Variants in NCF2 observed in about 807,000 individuals in gnomAD.
NCF2 encodes neutrophil cytosolic factor 2.
A neutral mutation model predicts 70.9 loss-of-function variants in NCF2; 45 were observed. That is an observed-to-expected ratio of 0.63 (90% CI 0.50 to 0.81). NCF2 has a LOEUF of 0.81. NCF2 is among the 40% of genes least tolerant of loss of function. The pLI is 0.00. For synonymous variants in NCF2, 203 were observed against 233.6 expected, an observed-to-expected ratio of 0.87 and a Z score of 1.19; for missense variants, 522 against 631.6, an observed-to-expected ratio of 0.83 and a Z score of 1.86.
At chr1:183,600,015 T>G in the NCF2 span, among the ~76,000 whole-genome samples, 1 of 152,234 alleles carries the variant, frequency 6.6e-6, no homozygotes, top group Non-Finnish European at 1.5e-5. Context: ...CCTTGTGCTT[T>G]TAACCTTTCT....
At chr1:183,561,328 C>G (rs1275530933) in intron 13 of NCF2, among the ~76,000 whole-genome samples, 1 of 152,138 alleles carries the variant, frequency 6.6e-6, no homozygotes, top group Non-Finnish European at 1.5e-5. Flanking sequence ...AGAGGCAATA[C>G]AATGAGGTGG....
chr1:183,563,722 C>CA (rs1672182304), intron 11 of NCF2, 137 bp from the exon 12 acceptor site: 6 of 1,142,194 alleles, frequency 5.3e-6, no homozygotes, highest in Admixed American at 1.9e-5. Flanking sequence ...ACTGGTTTCA[C>CA]AGTAGCCTAA....
chr1:183,556,763 A>C (rs2102868853), intron 14 of NCF2, among the ~76,000 whole-genome samples: 1 of 152,284 alleles, frequency 6.6e-6, no homozygotes, highest in Middle Eastern at 3.4e-3. Flanking sequence ...TCCTGGGCTC[A>C]AGTGATCCAC....
At chr1:183,583,215 G>A (rs1673193803) in intron 2 of NCF2, among the ~76,000 whole-genome samples, 1 of 152,106 alleles carries the variant, frequency 6.6e-6, no homozygotes, top group African/African-American at 2.4e-5. Flanking sequence ...ACCATGTGCT[G>A]CTAATTTTTT....
chr1:183,570,980 G>A (rs1558097100), intron 5 of NCF2, 141 bp from the exon 6 acceptor site: 2 of 784,752 alleles, frequency 2.5e-6, no homozygotes, highest in Non-Finnish European at 4.3e-6. Context: ...TTAGATTCCT[G>A]AGCCTCTGGA....
At chr1:183,577,998 C>T (rs1672877238) in intron 2 of NCF2, among the ~76,000 whole-genome samples, 1 of 152,220 alleles carries the variant, frequency 6.6e-6, no homozygotes, top group Admixed American at 6.5e-5. Context: ...ACCTTTCTGA[C>T]AACCTGACTT....
chr1:183,575,577 G>T (rs1672766697), intron 3 of NCF2, among the ~76,000 whole-genome samples: 1 of 152,158 alleles, frequency 6.6e-6, no homozygotes, highest in South Asian at 2.1e-4. Context: ...GCATTACCAA[G>T]ATCTAAAAAA....
chr1:183,596,318 A>T, the NCF2 span, among the ~76,000 whole-genome samples: 1 of 151,044 alleles, frequency 6.6e-6, no homozygotes, highest in African/African-American at 2.4e-5. Context: ...GACACCTCAT[A>T]TTAAGCACTC....
intron 6 of NCF2, among the ~76,000 whole-genome samples, chr1:183,570,033 C>T (rs1672476305): frequency 6.6e-6 from 1 of 152,240 alleles, no homozygotes; most frequent in African/African-American, 2.4e-5. Flanking sequence ...CAAGGGACTT[C>T]AGCAAGGCTT....
the NCF2 span, among the ~76,000 whole-genome samples, chr1:183,595,946 T>G: frequency 6.6e-6 from 1 of 152,148 alleles, no homozygotes; most frequent in African/African-American, 2.4e-5. Context: ...CTGCCACACC[T>G]CAGCAGCTCC....
Position 183,555,938 on chromosome 1 carries a change from C to T in NCF2, c.*180G>A. The T allele has an allele frequency of 1.5e-6, 1 of 651,008 alleles. No individual in the cohort carries two copies. The highest frequency in any genetic ancestry group is 2.7e-5 in the East Asian group (1 of 36,642). 40.3% of individuals were successfully genotyped at this position (651,008 alleles called of 1,614,324 possible). Reference sequence around the variant, plus strand: ...TGTCCCCATCTCCTCACCCACTGTGCCCCAGGAAATCATCCTGGGTACTCA... The same window carrying T: ...TGTCCCCATCTCCTCACCCACTGTGTCCCAGGAAATCATCCTGGGTACTCA... On this transcript the variant is annotated 3_prime_UTR_variant, in exon 15 of 15. Coordinates refer to ENST00000367535, the MANE Select transcript of NCF2 (RefSeq NM_000433.4).
At chr1:183,586,525 G>A (rs527851856) in intron 2 of NCF2, among the ~76,000 whole-genome samples, 83 of 152,270 alleles carry the variant, frequency 5.5e-4, no homozygotes, top group African/African-American at 1.9e-3. Flanking sequence ...ATGAAGCCAG[G>A]TTTTGATGCA....
chr1:183,595,178 A>G (rs1673744242), upstream of NCF2, among the ~76,000 whole-genome samples: 1 of 152,170 alleles, frequency 6.6e-6, no homozygotes, highest in African/African-American at 2.4e-5. Context: ...CAACTCTAAC[A>G]TTGAGTAGAT....
At position 183,590,234 on chromosome 1, in the gene NCF2, G is replaced by A. The variant is rs769744791; in HGVS notation, c.96C>T (p.Val32=). Residue 32 remains valine (V), a synonymous_variant, in exon 1 of 15, where the codon GTC becomes GTT. Coordinates refer to ENST00000367535, the MANE Select transcript of NCF2 (RefSeq NM_000433.4). ...WKGALDAFSA[V]QDPHSRICFN... is the part of the protein sequence containing the mutation. Reference sequence around the variant, plus strand: ...AGCAAATCCGGGAGTGGGGGTCCTGGACGGCACTGAAGGCATCCAGGGCTC... The same window carrying A: ...AGCAAATCCGGGAGTGGGGGTCCTGAACGGCACTGAAGGCATCCAGGGCTC... 6.2e-7 allele frequency: 1 copy of A among 1,614,176 alleles called. No individual in the cohort carries two copies. Among genetic ancestry groups the A allele is most frequent in the Non-Finnish European group, 8.5e-7 (1 of 1,180,038 alleles).
rs55795842 is a variant in NCF2 at position 183,563,310 on chromosome 1, G to C, written c.1179-4C>G. On this transcript the variant is annotated splice_region_variant and splice_polypyrimidine_tract_variant and intron_variant, in intron 12 of 14. Transcript: ENST00000367535. ...ATTGCTGTCCCGAGGCCGATAGCTG[G>C]GTGGGGATAATGAGTAAGAATCCAG... The C allele has an allele frequency of 5.1e-4, 824 of 1,613,966 alleles. 12 individuals are homozygous for C. The East Asian group carries it at 0.013, about 26-fold the overall frequency.
upstream of NCF2, among the ~76,000 whole-genome samples, chr1:183,592,431 C>T (rs1673697843): frequency 6.6e-6 from 1 of 152,168 alleles, no homozygotes; most frequent in Admixed American, 6.5e-5. Context: ...CCACCTTTAC[C>T]CAAAAACTTG....
intron 14 of NCF2, among the ~76,000 whole-genome samples, chr1:183,558,733 T>G (rs908679914): frequency 7.3e-5 from 11 of 151,214 alleles, no homozygotes; most frequent in African/African-American, 2.4e-4. Flanking sequence ...CCCAGCTAAT[T>G]TTTACATTTT....
the NCF2 span, among the ~76,000 whole-genome samples, chr1:183,597,276 A>G: frequency 6.6e-6 from 1 of 152,150 alleles, no homozygotes; most frequent in Non-Finnish European, 1.5e-5. Flanking sequence ...CTTTTTCTTT[A>G]GGAAGATTCC....
chr1:183,590,145 C>A lies in NCF2; in HGVS notation c.174+11G>T. 1 of 1,614,162 alleles carries A rather than the reference C, an allele frequency of 6.2e-7. No individual in the cohort carries two copies. The highest frequency in any genetic ancestry group is 1.1e-5 in the South Asian group (1 of 91,082). On this transcript the variant is annotated intron_variant, in intron 1 of 14. Transcript: ENST00000367535. ...CACAGAGGAGGCCCGGAAAGAGGCA[C>A]CTCCACTCACCTTCTCTGCTTCAGT...
Sources: gnomAD v4.1 joint callset for allele counts (sites outside exome capture counted in the v4.1 genomes callset) on GRCh38, gnomAD v4.1.1 for gene constraint, MANE v1.5 for transcripts, NCBI Gene and HGNC (gene_info 2026-07-23, HGNC 2026-07-21) for gene names.